Variants in AGT observed in about 807,000 individuals in gnomAD.
AGT encodes the protein alpha-1 antiproteinase, antitrypsin.
Under a neutral mutation model 28.1 loss-of-function variants are expected in AGT, and 26 were observed. That is an observed-to-expected ratio of 0.92 (90% CI 0.68 to 1.28). AGT has a LOEUF of 1.28. AGT is among the 50% of genes most tolerant of loss of function. The pLI is 0.00. For synonymous variants in AGT, 259 were observed against 259.6 expected, an observed-to-expected ratio of 1.00 and a Z score of 0.02; for missense variants, 596 against 592.3, an observed-to-expected ratio of 1.01 and a Z score of -0.06.
intron 1 of AGT, among the ~76,000 whole-genome samples, chr1:230,734,214 A>G (rs1489772877): frequency 6.6e-6 from 1 of 152,256 alleles, no homozygotes; most frequent in Admixed American, 6.5e-5. Flanking sequence ...CAAGCAAAAT[A>G]GAAAGGACAT....
chr1:230,710,811 C>A lies in AGT; in HGVS notation c.13G>T (p.Gly5Cys). The A allele has an allele frequency of 2.5e-6, 4 of 1,614,008 alleles. No homozygotes were observed. The highest frequency in any genetic ancestry group is 3.4e-6 in the Non-Finnish European group (4 of 1,180,030). The change falls in exon 2 of 5, where the codon GGT (glycine) becomes TGT (cysteine). Residue 5 changes from glycine (G) to cysteine (C), a missense_variant. By Grantham distance (159) the Gly-to-Cys change is radical (BLOSUM62 -3). Transcript: ENST00000366667. ...AGGATGGTGGCCCTCAGGCTCACAC[C>A]GGCAGGAGCCATCTCAGACTGGGGT... MAPA[G>C]VSLRATILCL... is the part of the protein sequence containing the mutation.
In AGT at chr1:230,702,919, G is replaced by A. The variant is rs1428093234; in HGVS notation, c.*222C>T. 2 of 581,376 alleles carry A rather than the reference G, an allele frequency of 3.4e-6. No homozygotes were observed. Among genetic ancestry groups the A allele is most frequent in the Non-Finnish European group, 6.1e-6 (2 of 328,566 alleles). The allele number at this position is 581,376 out of a possible 1,614,324, so 36.0% of individuals were successfully genotyped here. On this transcript the variant is annotated 3_prime_UTR_variant, in exon 5 of 5. Coordinates refer to ENST00000366667, the MANE Select transcript of AGT (RefSeq NM_001384479.1). ...AAATAAACCCAGCAAACTGGGAGGT[G>A]CATTTGTGCCGCTGCAGGCTTCTAC...
chr1:230,717,400 G>A (rs1368775579), upstream of AGT, among the ~76,000 whole-genome samples: 1 of 152,022 alleles, frequency 6.6e-6, no homozygotes, highest in African/African-American at 2.4e-5. Context: ...CCTCTCTCCA[G>A]CAAAACTAAA....
intron 1 of AGT, among the ~76,000 whole-genome samples, chr1:230,720,180 G>A (rs1289906421): frequency 6.6e-6 from 1 of 152,130 alleles, no homozygotes; most frequent in African/African-American, 2.4e-5. Flanking sequence ...AATTCGGGCC[G>A]TGACTTCACC....
upstream of AGT, among the ~76,000 whole-genome samples, chr1:230,716,751 T>G (rs1327521799): frequency 1.3e-5 from 2 of 152,136 alleles, no homozygotes; most frequent in African/African-American, 4.8e-5. Context: ...ATAAGTCCAT[T>G]AAACCTCTTT....
chr1:230,704,956 A>G (rs1452595174), intron 3 of AGT, among the ~76,000 whole-genome samples: 1 of 152,254 alleles, frequency 6.6e-6, no homozygotes, highest in Non-Finnish European at 1.5e-5. Context: ...GTGTCCATCG[A>G]TGGATGAGTG....
chr1:230,711,731 C>A lies in AGT; in HGVS notation c.-30-878G>T, dbSNP rs543905982. 3.9e-5 allele frequency among the ~76,000 whole-genome samples: 6 copies of A among 152,044 alleles called. No individual in the cohort carries two copies. In the East Asian group the frequency reaches 7.7e-4, roughly 20 times the overall value. On this transcript the variant is annotated intron_variant, in intron 1 of 4. Coordinates refer to ENST00000366667, the MANE Select transcript of AGT (RefSeq NM_001384479.1). ...CTCAACCATCCCTGCATAGCGCTATCCCCTGCAGAGCCCCAAAGGCATGCA... is the reference window on the plus strand; with the variant it reads ...CTCAACCATCCCTGCATAGCGCTATACCCTGCAGAGCCCCAAAGGCATGCA...
chr1:230,726,474 A>G (rs1267602291), intron 1 of AGT, among the ~76,000 whole-genome samples: 1 of 151,740 alleles, frequency 6.6e-6, no homozygotes, highest in Non-Finnish European at 1.5e-5. Context: ...TAATCCTCCA[A>G]ATTTAAAAAC....
intron 1 of AGT, among the ~76,000 whole-genome samples, chr1:230,733,193 G>T (rs1664097804): frequency 6.6e-6 from 1 of 152,098 alleles, no homozygotes; most frequent in African/African-American, 2.4e-5. Context: ...TGAGGCAGGA[G>T]AATCACTTAA....
rs377661920 is a variant in AGT, at chr1:230,708,721, T to C, written c.829+1274A>G. 3.0e-4 allele frequency among the ~76,000 whole-genome samples: 46 copies of C among 152,178 alleles called. No individual in the cohort carries two copies. In the South Asian group the frequency reaches 4.8e-3, roughly 16 times the overall value. ...CCCTCAGCCCCACCCCACCCATGGA[T>C]TTGCCGAGCTGCTCCCTGAGCACGT... On this transcript the variant is annotated intron_variant, in intron 2 of 4. Coordinates refer to ENST00000366667, the MANE Select transcript of AGT (RefSeq NM_001384479.1).
At chr1:230,732,170 ATTTG>A (rs1297060218) in intron 1 of AGT, among the ~76,000 whole-genome samples, 2 of 151,764 alleles carry the variant, frequency 1.3e-5, no homozygotes, top group South Asian at 2.1e-4. Flanking sequence ...TTGTTTGTTT[ATTTG>A]TTTGTTTGTA....
intron 1 of AGT, among the ~76,000 whole-genome samples, chr1:230,740,048 G>C (rs1020933623): frequency 6.6e-6 from 1 of 152,196 alleles, no homozygotes; most frequent in Non-Finnish European, 1.5e-5. Flanking sequence ...ACAAAGGGTG[G>C]ATTATTCATG....
At position 230,704,335 on chromosome 1, in the gene AGT, G is replaced by A. The variant is rs1250164724; in HGVS notation, c.1100C>T (p.Thr367Ile). Reference protein sequence around the residue: ...LNWMKKLSPRTIHLTMPQLVL... With the variant: ...LNWMKKLSPRIIHLTMPQLVL... ...CAGTTGGGGCATGGTCAGGTGGATG[G>A]TCCTGGGGAGATGATGCACAGTTAG... The change falls in exon 4 of 5, where the codon ACC becomes ATC. Residue 367 changes from threonine (T) to isoleucine (I), a missense_variant and splice_region_variant. Transcript: ENST00000366667. 1.2e-6 allele frequency: 2 copies of A among 1,614,158 alleles called. No individual in the cohort carries two copies. The highest frequency in any genetic ancestry group is 1.1e-5 in the South Asian group (1 of 91,064).
chr1:230,734,658 G>A (rs1384288233), intron 1 of AGT, among the ~76,000 whole-genome samples: 1 of 152,030 alleles, frequency 6.6e-6, no homozygotes, highest in African/African-American at 2.4e-5. Context: ...AGGCAAGACT[G>A]CTTCCAGTGA....
At chr1:230,718,181 G>A (rs1484212063), upstream of AGT, among the ~76,000 whole-genome samples, 1 of 152,152 alleles carries the variant, frequency 6.6e-6, no homozygotes, top group East Asian at 1.9e-4. Context: ...CTGGTCTCAA[G>A]TGATCCTCCT....
In AGT at chr1:230,706,025, C is replaced by T. The variant is rs147328386; in HGVS notation, c.1005G>A (p.Leu335=). Residue 335 remains leucine (L), a synonymous_variant, in exon 3 of 5, where the codon CTG becomes CTA. Transcript: ENST00000366667. Reference sequence around the variant, plus strand: ...GGTCAGAGGCATAGTGAGGCTGGATCAGCAGCAGGCAGGCGCTCTCAGTGA... The same window carrying T: ...GGTCAGAGGCATAGTGAGGCTGGATTAGCAGCAGGCAGGCGCTCTCAGTGA... ...VPFTESACLL[L]IQPHYASDLD... is the part of the protein sequence containing the mutation. The T allele has an allele frequency of 1.5e-5, 24 of 1,614,072 alleles. No homozygotes were observed. The highest frequency in any genetic ancestry group is 1.6e-4 in the Middle Eastern group (1 of 6,084).
rs1249735832 is a variant in AGT at position 230,702,537 on chromosome 1, T to C, written c.*604A>G. The C allele has an allele frequency of 6.4e-6, 1 of 155,666 alleles. No homozygotes were observed. Among genetic ancestry groups the C allele is most frequent in the Non-Finnish European group, 1.4e-5 (1 of 70,080 alleles). The allele number at this position is 155,666 out of a possible 1,614,324, so 9.6% of individuals were successfully genotyped here. On this transcript the variant is annotated 3_prime_UTR_variant, in exon 5 of 5. Coordinates refer to ENST00000366667, the MANE Select transcript of AGT (RefSeq NM_001384479.1). ...GAAAGATAAAATTTTTGGAGGCTTA[T>C]TGTGGCAAGACGTTTATTACTAACA...
intron 1 of AGT, among the ~76,000 whole-genome samples, chr1:230,721,001 T>C (rs1663833502): frequency 6.6e-6 from 1 of 152,220 alleles, no homozygotes; most frequent in South Asian, 2.1e-4. Context: ...GGGGGCCGAT[T>C]GGGTGAGGCA....
intron 1 of AGT, among the ~76,000 whole-genome samples, chr1:230,739,880 G>A (rs1664215800): frequency 6.6e-6 from 1 of 152,108 alleles, no homozygotes; most frequent in South Asian, 2.1e-4. Context: ...CCCAGGAGAG[G>A]GTTCTTGGAC....
Sources: allele counts gnomAD v4.1 joint callset (sites outside exome capture counted in the v4.1 genomes callset), GRCh38; gene constraint gnomAD v4.1.1; transcripts MANE v1.5; gene names NCBI Gene and HGNC (gene_info 2026-07-23, HGNC 2026-07-21).